UBE4B: variants seen among roughly 807,000 people sequenced by gnomAD.
UBE4B encodes ubiquitination factor E4B.
Under a neutral mutation model 148.1 loss-of-function variants are expected in UBE4B, and 27 were observed. The observed-to-expected ratio is 0.18, with a 90% confidence interval of 0.13 to 0.25. The LOEUF is 0.25. Among genes scored for constraint, UBE4B ranks in the 10% least tolerant of loss-of-function variants. The probability of loss-of-function intolerance (pLI) is 1.00; values close to 1 mark genes in which losing one functional copy is unlikely to be tolerated. For synonymous variants in UBE4B, 596 were observed against 619.3 expected, an observed-to-expected ratio of 0.96 and a Z score of 0.56; for missense variants, 1,170 against 1,662.4, an observed-to-expected ratio of 0.70 and a Z score of 5.15.
intron 8 of UBE4B, 143 bp downstream of exon 8, chr1:10,117,743 T>C: frequency 9.5e-7 from 1 of 1,055,356 alleles, no homozygotes; most frequent in Non-Finnish European, 1.3e-6. Context: ...TACTAGGAAC[T>C]TAGGATGTGT....
At chr1:10,134,490 C>T (rs1412506502) in intron 15 of UBE4B, among the ~76,000 whole-genome samples, 1 of 151,420 alleles carries the variant, frequency 6.6e-6, no homozygotes, top group Non-Finnish European at 1.5e-5. Context: ...CTAGCCTGGG[C>T]AACAAGAGTG....
chr1:10,113,668 C>T (rs978729300), intron 7 of UBE4B, among the ~76,000 whole-genome samples: 3 of 152,104 alleles, frequency 2.0e-5, no homozygotes, highest in Non-Finnish European at 4.4e-5. Flanking sequence ...CATGAGCCAG[C>T]GCCATCTAAG....
intron 15 of UBE4B, among the ~76,000 whole-genome samples, chr1:10,134,504 C>T (rs538558936): frequency 1.1e-4 from 17 of 151,784 alleles, no homozygotes; most frequent in Admixed American, 3.3e-4. Context: ...AAGAGTGGAA[C>T]TCCATCTCAA....
At chr1:10,113,779 CT>C (rs199707934) in intron 7 of UBE4B, among the ~76,000 whole-genome samples, 2,624 of 152,118 alleles carry the variant, frequency 0.017, 34 homozygotes, top group Non-Finnish European at 0.027. Context: ...ACATAAGATG[CT>C]TTTCGGCCGG....
At position 10,137,184 on chromosome 1, in the gene UBE4B, G is replaced by A. The variant is rs755700547; in HGVS notation, c.2342G>A (p.Arg781Gln). 18 of 1,613,944 alleles carry A rather than the reference G, an allele frequency of 1.1e-5. No individual in the cohort carries two copies. Among genetic ancestry groups the A allele is most frequent in the South Asian group, 2.2e-5 (2 of 91,082 alleles). ...PSCRRYIRRL[R>Q]AIRELNRTVE... is the part of the protein sequence containing the mutation. ...TGCCGTCGCTATATCCGCAGACTCC[G>A]GGCTATCCGGGAGCTCAATAGGTAT... The change falls in exon 17 of 28, where the codon CGG becomes CAG. Residue 781 changes from arginine to glutamine, a missense_variant. Coordinates refer to ENST00000343090, the MANE Select transcript of UBE4B (RefSeq NM_001105562.3).
chr1:10,055,391 T>A (rs1644146185), intron 1 of UBE4B, among the ~76,000 whole-genome samples: 1 of 152,108 alleles, frequency 6.6e-6, no homozygotes, highest in Non-Finnish European at 1.5e-5. Flanking sequence ...CATAGCTCAC[T>A]GTAGCCTTGA....
rs527576220 is a variant in UBE4B at position 10,036,507 on chromosome 1, T to C, written c.24+2813T>C. 6.2e-4 allele frequency among the ~76,000 whole-genome samples: 95 copies of C among 152,178 alleles called. 5 individuals are homozygous for C. The South Asian group carries it at 0.02, about 31-fold the overall frequency. ...TTGTTTTTAATTTAAAAAATCTTTTTTTTTTTTGTAGAGACGGGGGTCTTG... is the reference window on the plus strand; with the variant it reads ...TTGTTTTTAATTTAAAAAATCTTTTCTTTTTTTGTAGAGACGGGGGTCTTG... On this transcript the variant is annotated intron_variant, in intron 1 of 27. Coordinates refer to ENST00000343090, the MANE Select transcript of UBE4B (RefSeq NM_001105562.3).
At position 10,033,707 on chromosome 1, in the gene UBE4B, G is replaced by C; in HGVS notation, c.24+13G>C. On this transcript the variant is annotated intron_variant, in intron 1 of 27. Coordinates refer to ENST00000343090, the MANE Select transcript of UBE4B (RefSeq NM_001105562.3). ...GAGCGCTGATGAGGTGAGGAGGTTGGGGGACACCTTGAGGGATTAGTTGGC... is the reference window on the plus strand; with the variant it reads ...GAGCGCTGATGAGGTGAGGAGGTTGCGGGACACCTTGAGGGATTAGTTGGC... 6.4e-7 allele frequency: 1 copy of C among 1,562,180 alleles called. No homozygotes were observed. Among genetic ancestry groups the C allele is most frequent in the Non-Finnish European group, 8.7e-7 (1 of 1,155,064 alleles).
intron 26 of UBE4B, chr1:10,179,202 C>G (rs1219997621): frequency 1.7e-5 from 10 of 589,572 alleles, no homozygotes; most frequent in Middle Eastern, 4.6e-4. Flanking sequence ...TTCCCTCCCC[C>G]CAGCAGTAGC....
chr1:10,127,165 A>C (rs1645513754), intron 11 of UBE4B, among the ~76,000 whole-genome samples: 3 of 152,152 alleles, frequency 2.0e-5, no homozygotes, highest in Non-Finnish European at 4.4e-5. Context: ...ATCTCCTAGC[A>C]ATGAGCATAC....
At chr1:10,074,968 C>T (rs958352629) in intron 2 of UBE4B, among the ~76,000 whole-genome samples, 2 of 152,208 alleles carry the variant, frequency 1.3e-5, no homozygotes, top group South Asian at 4.1e-4. Context: ...GTCTAACAGG[C>T]ATGTCACAGC....
chr1:10,135,861 A>G (rs1157905535), intron 16 of UBE4B, among the ~76,000 whole-genome samples: 3 of 152,140 alleles, frequency 2.0e-5, no homozygotes, highest in Non-Finnish European at 2.9e-5. Context: ...GTGATATTTA[A>G]TCAATTTATT....
At position 10,180,037 on chromosome 1, in the gene UBE4B, G is replaced by A. The variant is rs1646484458; in HGVS notation, c.*81G>A. ...AAGCAGCGGCCGCAGCGAAGCTGCC[G>A]TTCATGTGTTGGAGGCCAAATGTGG... On this transcript the variant is annotated 3_prime_UTR_variant, in exon 28 of 28. Transcript: ENST00000343090. 1.8e-5 allele frequency: 29 copies of A among 1,583,656 alleles called. No individual in the cohort carries two copies. Among genetic ancestry groups the A allele is most frequent in the Non-Finnish European group, 2.2e-5 (26 of 1,158,664 alleles).
chr1:10,152,315 A>G (rs1334480508), intron 21 of UBE4B, among the ~76,000 whole-genome samples: 1 of 151,118 alleles, frequency 6.6e-6, no homozygotes, highest in African/African-American at 2.4e-5. Flanking sequence ...CACCTGTCAA[A>G]TTTATTTCTT....
rs765648505 is a variant in UBE4B, at chr1:10,144,733, T to TAAA, written c.2364-193_2364-191dup. 3.9e-4 allele frequency among the ~76,000 whole-genome samples: 53 copies of TAAA among 136,060 alleles called. 1 individual carries two copies. The highest frequency in any genetic ancestry group is 1.1e-3 in the African/African-American group (41 of 36,626). 89.3% of individuals were successfully genotyped at this position (136,060 alleles called of 152,430 possible). A position where few individuals can be genotyped will look rare whatever the true frequency, so the allele number is the denominator to read the frequency against. Reference sequence around the variant, plus strand: ...CTGGTGACAGAGCGAGACTCTGTCTTAAAAAAAAAAAAAAAAGAAAGAAAG... The same window carrying TAAA: ...CTGGTGACAGAGCGAGACTCTGTCTTAAAAAAAAAAAAAAAAAAAGAAAGAAAG... On this transcript the variant is annotated intron_variant, in intron 17 of 27. Transcript: ENST00000343090.
At chr1:10,072,628 G>C in intron 2 of UBE4B, 1 of 609,946 alleles carries the variant, frequency 1.6e-6, no homozygotes, top group Non-Finnish European at 2.9e-6. Context: ...CATTGGCACA[G>C]AACTTTTTCT....
At chr1:10,154,677 A>G (rs1646037826) in intron 21 of UBE4B, among the ~76,000 whole-genome samples, 1 of 152,116 alleles carries the variant, frequency 6.6e-6, no homozygotes, top group Non-Finnish European at 1.5e-5. Context: ...CGTCTCTACT[A>G]AAAATACAAA....
At chr1:10,067,942 A>G (rs921963724) in intron 1 of UBE4B, among the ~76,000 whole-genome samples, 51 of 151,204 alleles carry the variant, frequency 3.4e-4, no homozygotes, top group African/African-American at 1.1e-3. Flanking sequence ...GTTAACCAGG[A>G]TGGTCTCGAT....
At chr1:10,092,244 AG>A (rs1350184975) in intron 2 of UBE4B, among the ~76,000 whole-genome samples, 2 of 151,842 alleles carry the variant, frequency 1.3e-5, no homozygotes, top group Non-Finnish European at 2.9e-5. Context: ...TTTGTTTTTG[AG>A]ACAGAATCTT....
Sources: allele counts gnomAD v4.1 joint callset (sites outside exome capture counted in the v4.1 genomes callset), GRCh38; gene constraint gnomAD v4.1.1; transcripts MANE v1.5; gene names NCBI Gene and HGNC (gene_info 2026-07-23, HGNC 2026-07-21).